Variants in MTA3 observed in about 807,000 individuals in gnomAD.
The protein encoded by MTA3 is metastasis associated 1 family member 3.
In MTA3, 34 loss-of-function variants were observed where a neutral mutation model predicts 83.5. The observed-to-expected ratio is 0.41, with a 90% CI of 0.31 to 0.54. The LOEUF (loss-of-function observed/expected upper bound fraction) is 0.54, where lower values mean the gene tolerates loss of function less well. Among genes scored for constraint, MTA3 ranks in the 20% least tolerant of loss-of-function variants. The pLI, the probability that MTA3 is intolerant of heterozygous loss-of-function variation, is 0.33. For missense variants in MTA3, 761 were observed against 726.4 expected, an observed-to-expected ratio of 1.05 and a Z score of -0.55; for synonymous variants, 303 against 252.7, an observed-to-expected ratio of 1.20 and a Z score of -1.89.
intron 2 of MTA3, among the ~76,000 whole-genome samples, chr2:42,548,982 G>A (rs1358898627): frequency 7.6e-6 from 1 of 130,844 alleles, no homozygotes; most frequent in Non-Finnish European, 1.6e-5. Flanking sequence ...CAAGACCAGC[G>A]TGACCAACAT....
intron 13 of MTA3, among the ~76,000 whole-genome samples, 191 bp from the exon 14 acceptor site, chr2:42,708,683 T>G (rs568075297): frequency 1.3e-5 from 2 of 152,202 alleles, no homozygotes; most frequent in African/African-American, 4.8e-5. Flanking sequence ...CACAGTTCCC[T>G]TCTCTACTCC....
At chr2:42,675,159 C>T (rs1301146476) in intron 8 of MTA3, among the ~76,000 whole-genome samples, 3 of 151,518 alleles carry the variant, frequency 2.0e-5, no homozygotes, top group East Asian at 1.9e-4. Flanking sequence ...TTTTTTGAGA[C>T]GAGGTCTCAC....
intron 9 of MTA3, among the ~76,000 whole-genome samples, chr2:42,689,013 C>G (rs1190838607): frequency 6.6e-6 from 1 of 151,760 alleles, no homozygotes; most frequent in African/African-American, 2.4e-5. Flanking sequence ...CCTCTCTATT[C>G]TTATTTTTTG....
chr2:42,678,406 C>T (rs1170312433), intron 8 of MTA3, among the ~76,000 whole-genome samples: 4 of 152,044 alleles, frequency 2.6e-5, no homozygotes, highest in South Asian at 2.1e-4. Context: ...GGCGTGATCT[C>T]GGCTCACTGC....
At chr2:42,577,843 G>T (rs930145563) in intron 2 of MTA3, among the ~76,000 whole-genome samples, 1 of 152,064 alleles carries the variant, frequency 6.6e-6, no homozygotes, top group African/African-American at 2.4e-5. Flanking sequence ...CAGTTTCAAG[G>T]CATATCTCAA....
chr2:42,700,881 G>A (rs1693805933), intron 11 of MTA3, among the ~76,000 whole-genome samples: 1 of 152,186 alleles, frequency 6.6e-6, no homozygotes, highest in African/African-American at 2.4e-5. Context: ...CAGGAAGACT[G>A]CTTGAAGCCA....
chr2:42,708,380 T>TA (rs1666292180), intron 13 of MTA3, among the ~76,000 whole-genome samples: 1 of 152,218 alleles, frequency 6.6e-6, no homozygotes, highest in Admixed American at 6.5e-5. Context: ...TCTTACTACA[T>TA]AAAGTCATAA....
chr2:42,548,817 A>ATATTATATATAATATAT (rs1676888030), intron 2 of MTA3, among the ~76,000 whole-genome samples: 8 of 23,238 alleles, frequency 3.4e-4, no homozygotes, highest in South Asian at 1.1e-3. Flanking sequence ...AAAAATATAT[A>ATATTATATATAATATAT]TATATATATA....
chr2:42,505,769 A>T (rs1318892839), intron 2 of MTA3, among the ~76,000 whole-genome samples: 1 of 110,398 alleles, frequency 9.1e-6, no homozygotes, highest in Non-Finnish European at 1.8e-5. Flanking sequence ...ACAAATTGAT[A>T]ATTTTTTTTT....
intron 16 of MTA3, among the ~76,000 whole-genome samples, chr2:42,738,792 G>A (rs1243408074): frequency 1.3e-5 from 2 of 152,204 alleles, no homozygotes; most frequent in East Asian, 3.8e-4. Context: ...CTCTGAACTG[G>A]CCCCCCAGGG....
At chr2:42,595,304 G>T (rs1372550793) in intron 3 of MTA3, among the ~76,000 whole-genome samples, 1 of 149,968 alleles carries the variant, frequency 6.7e-6, no homozygotes, top group Non-Finnish European at 1.5e-5. Context: ...TAGAGATGGG[G>T]TTTCACCGTG....
At chr2:42,563,805 TTC>T (rs1677776203), upstream of MTA3, among the ~76,000 whole-genome samples, 1 of 148,322 alleles carries the variant, frequency 6.7e-6, no homozygotes, top group Non-Finnish European at 1.5e-5. Context: ...CCTTCCTTCC[TTC>T]CTTCCTTCCT....
chr2:42,525,645 T>C (rs1367840340), intron 2 of MTA3, among the ~76,000 whole-genome samples: 4 of 151,112 alleles, frequency 2.6e-5, no homozygotes, highest in Non-Finnish European at 4.4e-5. Flanking sequence ...TTTCTTTCTT[T>C]CTTTTTTTCC....
At chr2:42,657,357 T>C in intron 7 of MTA3, among the ~76,000 whole-genome samples, 1 of 152,178 alleles carries the variant, frequency 6.6e-6, no homozygotes, top group East Asian at 1.9e-4. Context: ...GCCCATCACC[T>C]AACTACTAAG....
chr2:42,506,298 G>T (rs936823959), intron 2 of MTA3, among the ~76,000 whole-genome samples: 2 of 151,596 alleles, frequency 1.3e-5, no homozygotes, highest in Non-Finnish European at 2.9e-5. Flanking sequence ...TAATTTTTTA[G>T]AAATTATCTG....
intron 6 of MTA3, among the ~76,000 whole-genome samples, chr2:42,647,869 G>T (rs538669544): frequency 6.6e-6 from 1 of 151,922 alleles, no homozygotes; most frequent in South Asian, 2.1e-4. Flanking sequence ...ATGGAGTTTC[G>T]CTCTTGTTGC....
At chr2:42,572,497 C>T (rs774565152) in intron 2 of MTA3, among the ~76,000 whole-genome samples, 40 of 151,956 alleles carry the variant, frequency 2.6e-4, no homozygotes, top group Admixed American at 6.6e-4. Flanking sequence ...ATTGCTTGGG[C>T]CCAGGAGGTC....
intron 6 of MTA3, among the ~76,000 whole-genome samples, chr2:42,654,064 T>C (rs1688945181): frequency 6.6e-6 from 1 of 152,222 alleles, no homozygotes; most frequent in African/African-American, 2.4e-5. Flanking sequence ...CTAAGAATTG[T>C]AAACAAAACA....
Position 42,754,906 on chromosome 2 carries a change from G to T in MTA3, c.*1507G>T. The T allele has an allele frequency of 1.0e-6, 1 of 985,620 alleles. No individual in the cohort carries two copies. Among genetic ancestry groups the T allele is most frequent in the Non-Finnish European group, 1.2e-6 (1 of 830,096 alleles). The allele number at this position is 985,620 out of a possible 1,614,324, so 61.1% of individuals were successfully genotyped here. Reference sequence around the variant, plus strand: ...GGAGGGCGGTTTTGCAGACATCTCAGCTTCTTTTCTGAGGAGGAGTTGGTT... The same window carrying T: ...GGAGGGCGGTTTTGCAGACATCTCATCTTCTTTTCTGAGGAGGAGTTGGTT... On this transcript the variant is annotated 3_prime_UTR_variant, in exon 17 of 17. Coordinates refer to ENST00000405094, the MANE Select transcript of MTA3 (RefSeq NM_001330442.2).
Sources: allele counts gnomAD v4.1 joint callset (sites outside exome capture counted in the v4.1 genomes callset), GRCh38; gene constraint gnomAD v4.1.1; transcripts MANE v1.5; gene names NCBI Gene and HGNC (gene_info 2026-07-23, HGNC 2026-07-21).